The following NEMP2 variants were observed in gnomAD, a reference collection of about 807,000 sequenced individuals.
NEMP2 encodes UPF0571 transmembrane protein.
A neutral mutation model predicts 54.2 loss-of-function variants in NEMP2; 53 were observed. The ratio of observed to expected loss-of-function variants is 0.98; its 90% CI spans 0.78 to 1.23. The LOEUF is 1.23. Ranked by LOEUF, NEMP2 falls within the 50% of genes most tolerant of loss-of-function variation. NEMP2 has a pLI of 0.00. For missense variants in NEMP2, 455 were observed against 511.3 expected (o/e 0.89, Z 1.06); for synonymous variants, 197 against 190.3 (o/e 1.04, Z -0.29).
chr2:190,492,115 G>T, the NEMP2 span, among the ~76,000 whole-genome samples: 1 of 151,984 alleles, frequency 6.6e-6, no homozygotes, highest in African/African-American at 2.4e-5. The surrounding 1 kb of genome is among the most constrained non-coding windows in gnomAD (Gnocchi z 5.2). Flanking sequence ...AAAGAAAAAA[G>T]AATTTTAAAA....
At chr2:190,601,446 A>G in the NEMP2 span, among the ~76,000 whole-genome samples, 2 of 152,210 alleles carry the variant, frequency 1.3e-5, no homozygotes, top group African/African-American at 4.8e-5. This position sits in a 1 kb window ranked among gnomAD's most constrained non-coding sequence, Gnocchi z 5.8. Context: ...CAATGTGGCA[A>G]TGGCAGGCCT....
At position 190,527,837 on chromosome 2, in the gene NEMP2, T is replaced by C. The variant is rs1050637673; in HGVS notation, c.98-2459A>G. Reference sequence around the variant, plus strand: ...CTGTGAACTGAGCAACCTAGGGATCTAGGTTGCATGCTTGTTATGATAATC... The same window carrying C: ...CTGTGAACTGAGCAACCTAGGGATCCAGGTTGCATGCTTGTTATGATAATC... On this transcript the variant is annotated intron_variant, in intron 1 of 8. Coordinates refer to ENST00000409150, the MANE Select transcript of NEMP2 (RefSeq NM_001142645.2). The surrounding 1 kb of genome is among the most constrained non-coding windows in gnomAD (Gnocchi z 4.0). 6.6e-6 allele frequency among the ~76,000 whole-genome samples: 1 copy of C among 152,108 alleles called. No individual in the cohort carries two copies. Among genetic ancestry groups the C allele is most frequent in the Non-Finnish European group, 1.5e-5 (1 of 68,012 alleles).
rs1690344871 is a variant in NEMP2 at position 190,510,990 on chromosome 2, G to A, written c.954-453C>T. Among the ~76,000 whole-genome samples the A allele has an allele frequency of 1.3e-5, 2 of 151,746 alleles. No homozygotes were observed. The highest frequency in any genetic ancestry group is 1.3e-4 in the Admixed American group (2 of 15,244). On this transcript the variant is annotated intron_variant, in intron 7 of 8. Coordinates refer to ENST00000409150, the MANE Select transcript of NEMP2 (RefSeq NM_001142645.2). The surrounding 1 kb of genome is among the most constrained non-coding windows in gnomAD (Gnocchi z 5.7). The stretch of plus-strand genomic sequence containing the variant: ...TATACTTTTTTATTGCTGTTATCAT[G>A]ACTGAGGTATAGAGAACATGTAGTT...
the NEMP2 span, among the ~76,000 whole-genome samples, chr2:190,483,181 C>T: frequency 2.0e-5 from 3 of 151,848 alleles, no homozygotes; most frequent in South Asian, 2.1e-4. Context: ...CGTGAGCCAC[C>T]GCGCCCGGCC....
the NEMP2 span, among the ~76,000 whole-genome samples, chr2:190,471,085 G>C: frequency 6.6e-6 from 1 of 152,110 alleles, no homozygotes; most frequent in South Asian, 2.1e-4. This position sits in a 1 kb window ranked among gnomAD's most constrained non-coding sequence, Gnocchi z 4.7. Context: ...TCTCAGTTTT[G>C]TGTCATTTAA....
At chr2:190,633,407 G>A in the NEMP2 span, among the ~76,000 whole-genome samples, 2 of 150,580 alleles carry the variant, frequency 1.3e-5, no homozygotes, top group Admixed American at 1.3e-4. Context: ...TCTGCGTCTC[G>A]GGTTCAAGTG....
Position 190,508,368 on chromosome 2 carries a change from C to T in NEMP2, c.*821G>A, listed in dbSNP as rs1409033516. ...GGCCCATGGCTGTAGGGAGATGGCT[C>T]CTAAGCTTGCACCTGAAGATCTTGT... is the stretch of plus-strand genomic sequence containing the variant. On this transcript the variant is annotated 3_prime_UTR_variant, in exon 9 of 9. Coordinates refer to ENST00000409150, the MANE Select transcript of NEMP2 (RefSeq NM_001142645.2). The surrounding 1 kb of genome is among the most constrained non-coding windows in gnomAD (Gnocchi z 4.3). 1 of 152,156 alleles carries T rather than the reference C, an allele frequency of 6.6e-6. No homozygotes were observed. The highest frequency in any genetic ancestry group is 2.4e-5 in the African/African-American group (1 of 41,422). 9.4% of individuals were successfully genotyped at this position (152,156 alleles called of 1,614,324 possible). A position where few individuals can be genotyped will look rare whatever the true frequency, so the allele number is the denominator to read the frequency against.
the NEMP2 span, among the ~76,000 whole-genome samples, chr2:190,563,175 A>C: frequency 1.3e-5 from 2 of 152,130 alleles, no homozygotes; most frequent in Non-Finnish European, 2.9e-5. The surrounding 1 kb of genome is among the most constrained non-coding windows in gnomAD (Gnocchi z 4.3). Context: ...TCACATATGC[A>C]AGGTGGCTTT....
the NEMP2 span, among the ~76,000 whole-genome samples, chr2:190,627,113 C>T: frequency 2.0e-5 from 3 of 152,216 alleles, no homozygotes; most frequent in Admixed American, 2.0e-4. The surrounding 1 kb of genome is among the most constrained non-coding windows in gnomAD (Gnocchi z 4.4). Context: ...ACTTTCTCTA[C>T]ACACCAAAAG....
the NEMP2 span, among the ~76,000 whole-genome samples, chr2:190,427,379 A>T: frequency 1.3e-5 from 2 of 152,302 alleles, no homozygotes; most frequent in East Asian, 3.9e-4. Context: ...GAATAGGGTT[A>T]TGATCATTTT....
At chr2:190,554,739 A>T in the NEMP2 span, among the ~76,000 whole-genome samples, 2 of 152,220 alleles carry the variant, frequency 1.3e-5, no homozygotes, top group Non-Finnish European at 2.9e-5. This position sits in a 1 kb window ranked among gnomAD's most constrained non-coding sequence, Gnocchi z 5.7. Context: ...GCTTCAGCAG[A>T]CTTAAACGTC....
chr2:190,566,757 GGAA>G, the NEMP2 span, among the ~76,000 whole-genome samples: 1 of 150,314 alleles, frequency 6.7e-6, no homozygotes, highest in Non-Finnish European at 1.5e-5. Flanking sequence ...AAAAAAGAAA[GGAA>G]GGAAGGAAAG....
the NEMP2 span, among the ~76,000 whole-genome samples, chr2:190,428,381 G>A: frequency 1.1e-4 from 16 of 152,152 alleles, no homozygotes; most frequent in African/African-American, 3.6e-4. Context: ...GCTATTCCCA[G>A]TTTTTAAAGT....
chr2:190,607,803 A>G, the NEMP2 span: 1 of 152,198 alleles, frequency 6.6e-6, no homozygotes, highest in African/African-American at 2.4e-5. The surrounding 1 kb of genome is among the most constrained non-coding windows in gnomAD (Gnocchi z 5.2). Flanking sequence ...ATTTTGAAGT[A>G]CAATCTATTT....
At chr2:190,568,228 G>A in the NEMP2 span, 7 of 152,292 alleles carry the variant, frequency 4.6e-5, no homozygotes, top group African/African-American at 1.2e-4. This position sits in a 1 kb window ranked among gnomAD's most constrained non-coding sequence, Gnocchi z 4.7. Context: ...AGCTCTGCAG[G>A]AAACCTGGAG....
chr2:190,498,216 C>G, the NEMP2 span, among the ~76,000 whole-genome samples: 1 of 152,080 alleles, frequency 6.6e-6, no homozygotes, highest in East Asian at 1.9e-4. This position sits in a 1 kb window ranked among gnomAD's most constrained non-coding sequence, Gnocchi z 5.9. Flanking sequence ...TTTCTTGTCC[C>G]CAGAGGAGTG....
At chr2:190,436,628 A>G in the NEMP2 span, 1 of 1,614,186 alleles carries the variant, frequency 6.2e-7, no homozygotes, top group African/African-American at 1.3e-5. The surrounding 1 kb of genome is among the most constrained non-coding windows in gnomAD (Gnocchi z 5.3). Flanking sequence ...GAGAAAAGAA[A>G]CCTTTTGGAA....
chr2:190,497,903 T>C, the NEMP2 span: 2 of 633,180 alleles, frequency 3.2e-6, no homozygotes, highest in Admixed American at 3.1e-5. The surrounding 1 kb of genome is among the most constrained non-coding windows in gnomAD (Gnocchi z 5.2). Flanking sequence ...CAAGGTCCCA[T>C]AGAGAGAATA....
the NEMP2 span, among the ~76,000 whole-genome samples, chr2:190,597,131 G>T: frequency 4.6e-5 from 7 of 151,866 alleles, no homozygotes; most frequent in Admixed American, 1.3e-4. The surrounding 1 kb of genome is among the most constrained non-coding windows in gnomAD (Gnocchi z 4.7). Flanking sequence ...GGGTGTGGTG[G>T]TGTGCTCCTG....
Sources: gnomAD v4.1 joint callset for allele counts (sites outside exome capture counted in the v4.1 genomes callset) on GRCh38, gnomAD v4.1.1 for gene constraint, Gnocchi (gnomAD v3.1) non-coding constraint, MANE v1.5 for transcripts, NCBI Gene and HGNC (gene_info 2026-07-23, HGNC 2026-07-21) for gene names.